Variants in HABP2 observed in about 807,000 individuals in gnomAD.
The protein encoded by HABP2 is factor VII-activating protease.
A neutral mutation model predicts 66.5 loss-of-function variants in HABP2; 65 were observed. The observed-to-expected ratio is 0.98, with a 90% CI of 0.80 to 1.20. The LOEUF is 1.20. Among genes scored for constraint, HABP2 ranks in the 50% most tolerant of loss-of-function variants. The pLI is 0.00. For synonymous variants in HABP2, 263 were observed against 253.9 expected, an observed-to-expected ratio of 1.04 and a Z score of -0.34; for missense variants, 786 against 691.0, an observed-to-expected ratio of 1.14 and a Z score of -1.54.
At chr10:113,577,100 C>A in intron 4 of HABP2, 50 bp from the exon 5 acceptor site, 2 of 1,020,372 alleles carry the variant, frequency 2.0e-6, no homozygotes, top group South Asian at 1.3e-5. Flanking sequence ...ATGTATCCCT[C>A]TAAGGAAAAT....
chr10:113,574,939 A>G (rs4244309), intron 3 of HABP2, among the ~76,000 whole-genome samples: 115,562 of 151,560 alleles, frequency 0.76, 44,829 homozygotes, highest in East Asian at 0.94. Flanking sequence ...GTGTGTGTGT[A>G]TGTGTGCATA....
At chr10:113,581,291 G>A (rs1157367503) in intron 8 of HABP2, among the ~76,000 whole-genome samples, 1 of 152,204 alleles carries the variant, frequency 6.6e-6, no homozygotes, top group Non-Finnish European at 1.5e-5. Context: ...CCTCCAGGAA[G>A]TCCTCCTTGA....
rs1287021296 is a variant in HABP2 at position 113,583,293 on chromosome 10, GGGT to G, written c.1175_1177del (p.Val392del). 1 of 1,611,522 alleles carries G rather than the reference GGGT, an allele frequency of 6.2e-7. No individual in the cohort carries two copies. The highest frequency in any genetic ancestry group is 1.3e-5 in the African/African-American group (1 of 74,864). On this transcript the variant is annotated inframe_deletion, in exon 10 of 13. Coordinates refer to ENST00000351270, the MANE Select transcript of HABP2 (RefSeq NM_004132.5). ...GAAGAATTTCATGAGCAGAGCTTTA[GGGT>G]GGAGAAGATATTCAAGTACAGCCAC...
chr10:113,588,759 C>T lies in HABP2; in HGVS notation c.*390C>T, dbSNP rs988732137. On this transcript the variant is annotated 3_prime_UTR_variant, in exon 13 of 13. Transcript: ENST00000351270. ...ATCTTTATTCCTCAGCCCAGACACT[C>T]GAGGCACTCAACAGAATCAGCCATC... 7.3e-5 allele frequency: 42 copies of T among 573,372 alleles called. No individual in the cohort carries two copies. Among genetic ancestry groups the T allele is most frequent in the African/African-American group, 6.9e-4 (37 of 53,440 alleles). 35.5% of individuals were successfully genotyped at this position (573,372 alleles called of 1,614,324 possible).
At chr10:113,570,581 T>TA (rs1393955246) in intron 2 of HABP2, among the ~76,000 whole-genome samples, 3 of 152,256 alleles carry the variant, frequency 2.0e-5, no homozygotes, top group Non-Finnish European at 4.4e-5. Context: ...TATGGCAGGC[T>TA]ACTGTGCCTC....
At position 113,588,896 on chromosome 10, in the gene HABP2, C is replaced by T. The variant is rs751515984; in HGVS notation, c.*527C>T. The T allele has an allele frequency of 1.3e-5, 15 of 1,133,078 alleles. No homozygotes were observed. The highest frequency in any genetic ancestry group is 2.7e-5 in the South Asian group (2 of 75,394). 70.2% of individuals were successfully genotyped at this position (1,133,078 alleles called of 1,614,324 possible). A position where few individuals can be genotyped will look rare whatever the true frequency, so the allele number is the denominator to read the frequency against. On this transcript the variant is annotated 3_prime_UTR_variant, in exon 13 of 13. Transcript: ENST00000351270. ...GGGCTGGTGGGCCATTCCAGCTTGC[C>T]GAAATCAAAGCCATCTGAAGCCTGT... is the stretch of plus-strand genomic sequence containing the variant.
intron 1 of HABP2, among the ~76,000 whole-genome samples, chr10:113,560,496 G>C (rs1034799953): frequency 6.6e-6 from 1 of 152,142 alleles, no homozygotes; most frequent in Non-Finnish European, 1.5e-5. Context: ...AACTACCCTA[G>C]GACCCAGCAA....
At chr10:113,583,139 C>G in intron 9 of HABP2, 77 bp from the exon 10 acceptor site, 2 of 1,300,002 alleles carry the variant, frequency 1.5e-6, no homozygotes, top group Non-Finnish European at 2.2e-6. Context: ...GCTGAGTCTG[C>G]AGAAGGTCAG....
At chr10:113,558,477 G>A (rs1234243828) in intron 1 of HABP2, among the ~76,000 whole-genome samples, 1 of 152,238 alleles carries the variant, frequency 6.6e-6, no homozygotes, top group African/African-American at 2.4e-5. Context: ...AGATCAGCAG[G>A]AGGCAGAGGA....
intron 5 of HABP2, among the ~76,000 whole-genome samples, chr10:113,577,669 G>A (rs144868615): frequency 2.8e-4 from 43 of 152,336 alleles, no homozygotes; most frequent in African/African-American, 9.1e-4. Flanking sequence ...AATGTAGACA[G>A]ATTAACTCAT....
intron 4 of HABP2, among the ~76,000 whole-genome samples, chr10:113,576,716 C>G (rs898247586): frequency 6.6e-6 from 1 of 152,172 alleles, no homozygotes; most frequent in African/African-American, 2.4e-5. Flanking sequence ...TTCACTTATT[C>G]TTTTCATTTT....
Position 113,588,246 on chromosome 10 carries a change from C to CT in HABP2, c.1561dup (p.Tyr521LeufsTer37). The stretch of plus-strand genomic sequence containing the variant: ...CCCTGACCTGTGAGAAGGACGGCAC[C>CT]TACTACGTCTATGGGATAGTGAGCT... On this transcript the variant is annotated frameshift_variant, in exon 13 of 13. Coordinates refer to ENST00000351270, the MANE Select transcript of HABP2 (RefSeq NM_004132.5). LOFTEE classifies it high-confidence loss of function. 6.2e-7 allele frequency: 1 copy of CT among 1,613,304 alleles called. No individual in the cohort carries two copies. Among genetic ancestry groups the CT allele is most frequent in the Non-Finnish European group, 8.5e-7 (1 of 1,179,546 alleles).
chr10:113,578,805 T>A lies in HABP2; in HGVS notation c.740+7T>A, dbSNP rs184372424. Reference sequence around the variant, plus strand: ...GGGAACACAATTTCTGCAGGTAACATTTACCTTATTTATGCTCAGTTGATT... The same window carrying A: ...GGGAACACAATTTCTGCAGGTAACAATTACCTTATTTATGCTCAGTTGATT... On this transcript the variant is annotated splice_region_variant and intron_variant, in intron 7 of 12. Transcript: ENST00000351270. 3.4e-4 allele frequency: 540 copies of A among 1,571,840 alleles called. 5 individuals carry two copies. In the African/African-American group the frequency reaches 6.5e-3, roughly 19 times the overall value.
In HABP2 at chr10:113,588,970, A is replaced by G. The variant is rs1845751439; in HGVS notation, c.*601A>G. 5 of 1,609,960 alleles carry G rather than the reference A, an allele frequency of 3.1e-6. No individual in the cohort carries two copies. The highest frequency in any genetic ancestry group is 2.7e-5 in the African/African-American group (2 of 74,710). On this transcript the variant is annotated 3_prime_UTR_variant, in exon 13 of 13. Coordinates refer to ENST00000351270, the MANE Select transcript of HABP2 (RefSeq NM_004132.5). ...TGGCCTCTCAGGAATCAGGGTGGAC[A>G]TGGCTCACAACAGCAGGGCCTTCTT...
Position 113,588,982 on chromosome 10 carries a change from AGCAGGGCCTTCTTCTTTTTGACGT to A in HABP2, c.*618_*641del, listed in dbSNP as rs766214415. ...AATCAGGGTGGACATGGCTCACAAC[AGCAGGGCCTTCTTCTTTTTGACGT>A]GCAGAATCTCAGTGGCATCTGGGTT... is the stretch of plus-strand genomic sequence containing the variant. On this transcript the variant is annotated 3_prime_UTR_variant, in exon 13 of 13. Transcript: ENST00000351270. The A allele has an allele frequency of 6.2e-7, 1 of 1,613,140 alleles. No homozygotes were observed. The highest frequency in any genetic ancestry group is 1.7e-5 in the Admixed American group (1 of 60,016).
Position 113,555,296 on chromosome 10 carries a change from T to C in HABP2, c.69+2106T>C, listed in dbSNP as rs569816455. 7.9e-5 allele frequency among the ~76,000 whole-genome samples: 12 copies of C among 152,330 alleles called. No homozygotes were observed. In the South Asian group the frequency reaches 2.3e-3, roughly 29 times the overall value. The stretch of plus-strand genomic sequence containing the variant: ...GCTGATGAGTGGCAGAGCTGAGCTC[T>C]GGATTACAGACTGGTTTCCGTGTAG... On this transcript the variant is annotated intron_variant, in intron 1 of 12. Transcript: ENST00000351270.
intron 2 of HABP2, among the ~76,000 whole-genome samples, chr10:113,568,036 G>A (rs754471024): frequency 1.4e-4 from 21 of 152,244 alleles, no homozygotes; most frequent in African/African-American, 3.9e-4. Flanking sequence ...GGCTCGACGC[G>A]TCTACCACCA....
chr10:113,588,929 G>A lies in HABP2; in HGVS notation c.*560G>A, dbSNP rs774808423. On this transcript the variant is annotated 3_prime_UTR_variant, in exon 13 of 13. Coordinates refer to ENST00000351270, the MANE Select transcript of HABP2 (RefSeq NM_004132.5). ...AAGCCATCTGAAGCCTGTCTCTGGT[G>A]AACAAACTTCCTCTCTGGCCTCTCA... The A allele has an allele frequency of 3.3e-6, 5 of 1,499,374 alleles. No individual in the cohort carries two copies. The highest frequency in any genetic ancestry group is 1.1e-5 in the South Asian group (1 of 88,146). 92.9% of individuals were successfully genotyped at this position (1,499,374 alleles called of 1,614,324 possible).
In HABP2 at chr10:113,576,090, A is replaced by G. The variant is rs565142700; in HGVS notation, c.331+86A>G. 6 of 773,474 alleles carry G rather than the reference A, an allele frequency of 7.8e-6. No individual in the cohort carries two copies. In the South Asian group the frequency reaches 9.1e-5, roughly 12 times the overall value. The allele number at this position is 773,474 out of a possible 1,614,324, so 47.9% of individuals were successfully genotyped here. On this transcript the variant is annotated intron_variant, in intron 4 of 12. Coordinates refer to ENST00000351270, the MANE Select transcript of HABP2 (RefSeq NM_004132.5). ...GTGTGAGAAAGCACTGCGCAATGCC[A>G]TGGAAAGGATTATAACTGCAATACT...
Sources: allele counts gnomAD v4.1 joint callset (sites outside exome capture counted in the v4.1 genomes callset), GRCh38; gene constraint gnomAD v4.1.1; transcripts MANE v1.5; gene names NCBI Gene and HGNC (gene_info 2026-07-23, HGNC 2026-07-21).